Variants in INPP5A observed in about 807,000 individuals in gnomAD.
INPP5A encodes inositol polyphosphate-5-phosphatase A, also known as 43 kDa inositol polyphosphate 5-phophatase.
In INPP5A, 14 loss-of-function variants were observed where a neutral mutation model predicts 65.2. That is an observed-to-expected ratio of 0.21 (90% CI 0.14 to 0.34). The LOEUF (loss-of-function observed/expected upper bound fraction) is 0.34, where lower values mean the gene tolerates loss of function less well. Ranked by LOEUF, INPP5A falls within the 10% of genes least tolerant of loss-of-function variation. INPP5A has a pLI of 1.00. For missense variants in INPP5A, 431 were observed against 545.6 expected, an observed-to-expected ratio of 0.79 and a Z score of 2.09; for synonymous variants, 207 against 208.3, an observed-to-expected ratio of 0.99 and a Z score of 0.05.
At chr10:132,670,526 C>A (rs2072875935) in intron 4 of INPP5A, among the ~76,000 whole-genome samples, 1 of 149,258 alleles carries the variant, frequency 6.7e-6, no homozygotes, top group Admixed American at 6.7e-5. Context: ...CAGCACAGCC[C>A]TGGCCCAGAA....
intron 12 of INPP5A, among the ~76,000 whole-genome samples, chr10:132,776,918 G>T (rs1256729810): frequency 6.6e-6 from 1 of 152,192 alleles, no homozygotes; most frequent in Non-Finnish European, 1.5e-5. Context: ...GGGGCCAATG[G>T]CTCAGAGACA....
chr10:132,722,634 C>T (rs981259051), intron 8 of INPP5A, among the ~76,000 whole-genome samples: 3 of 152,166 alleles, frequency 2.0e-5, no homozygotes, highest in South Asian at 2.1e-4. Flanking sequence ...GTCGTGAGGT[C>T]GCAGTTGTCC....
chr10:132,677,193 C>G (rs1299754093), intron 4 of INPP5A, among the ~76,000 whole-genome samples: 3 of 152,224 alleles, frequency 2.0e-5, no homozygotes, highest in Admixed American at 6.5e-5. Context: ...TCAGCCTCTG[C>G]AGGTCCATGG....
chr10:132,708,158 AG>A (rs1845568810), intron 6 of INPP5A, among the ~76,000 whole-genome samples, 154 bp from the exon 7 acceptor site: 1 of 152,170 alleles, frequency 6.6e-6, no homozygotes, highest in African/African-American at 2.4e-5. Flanking sequence ...ATAGGTGCAC[AG>A]CTCGGTTCTC....
At position 132,777,789 on chromosome 10, in the gene INPP5A, G is replaced by C. The variant is rs1028680134; in HGVS notation, c.1089+7G>C. The stretch of plus-strand genomic sequence containing the variant: ...CAAGGAGCTGGTGCTGCGGGTGAGT[G>C]TGTGCTGCCCCAGCCCTGGGCACAG... On this transcript the variant is annotated splice_region_variant and intron_variant, in intron 13 of 15. Transcript: ENST00000368594. The C allele has an allele frequency of 5.0e-6, 8 of 1,612,406 alleles. No homozygotes were observed. In the African/African-American group the frequency reaches 8.0e-5, roughly 16 times the overall value.
intron 14 of INPP5A, 142 bp downstream of exon 14, chr10:132,781,059 T>C: frequency 1.5e-6 from 1 of 664,792 alleles, no homozygotes; most frequent in South Asian, 1.7e-5. Context: ...TCTCCTGTTC[T>C]CCTGTCTTCT....
In INPP5A at chr10:132,550,434, T is replaced by C. The variant is rs2071035368; in HGVS notation, c.75+12263T>C. ...GAGGTTCTGCATAGCTAGTGCCACC[T>C]GTGACACTGCTGTCACTCCAAGGTG... On this transcript the variant is annotated intron_variant, in intron 1 of 15. Transcript: ENST00000368594. The surrounding 1 kb of genome is among the most constrained non-coding windows in gnomAD (Gnocchi z 4.2). 6.6e-6 allele frequency among the ~76,000 whole-genome samples: 1 copy of C among 152,212 alleles called. No homozygotes were observed. The highest frequency in any genetic ancestry group is 1.5e-5 in the Non-Finnish European group (1 of 68,022).
rs747947118 is a variant in INPP5A, at chr10:132,726,899, C to T, written c.726C>T (p.Val242=). 6 of 1,606,894 alleles carry T rather than the reference C, an allele frequency of 3.7e-6. No individual in the cohort carries two copies. Among genetic ancestry groups the T allele is most frequent in the East Asian group, 2.2e-5 (1 of 44,640 alleles). ...DFNFRLDSKS[V]VETLCTKATM... ...ACTTCCGGCTGGATTCCAAGTCCGTCGTGGAGGTAGGCGCTGGCTTCCCTC... is the reference window on the plus strand; with the variant it reads ...ACTTCCGGCTGGATTCCAAGTCCGTTGTGGAGGTAGGCGCTGGCTTCCCTC... The change falls in exon 9 of 16, where the codon GTC becomes GTT. Residue 242 remains valine (V), a synonymous_variant. Transcript: ENST00000368594.
chr10:132,741,268 G>A lies in INPP5A; in HGVS notation c.733-8249G>A, dbSNP rs1390431846. Among the ~76,000 whole-genome samples the A allele has an allele frequency of 6.6e-6, 1 of 152,114 alleles. No homozygotes were observed. Among genetic ancestry groups the A allele is most frequent in the Non-Finnish European group, 1.5e-5 (1 of 68,022 alleles). On this transcript the variant is annotated intron_variant, in intron 9 of 15. Coordinates refer to ENST00000368594, the MANE Select transcript of INPP5A (RefSeq NM_005539.5). This position sits in a 1 kb window ranked among gnomAD's most constrained non-coding sequence, Gnocchi z 4.4. ...TAAAAATAGAGATAAATAAAAAAAG[G>A]GACACCGCCTGTCTTGGGTTGACAG...
chr10:132,559,926 G>T (rs1298134019), intron 1 of INPP5A, among the ~76,000 whole-genome samples: 2 of 152,258 alleles, frequency 1.3e-5, no homozygotes, highest in African/African-American at 2.4e-5. Context: ...GCAAGTTGCT[G>T]TGTGAACCTG....
chr10:132,545,636 C>T lies in INPP5A; in HGVS notation c.75+7465C>T, dbSNP rs768398491. Among the ~76,000 whole-genome samples the T allele has an allele frequency of 2.0e-5, 3 of 152,236 alleles. No individual in the cohort carries two copies. Among genetic ancestry groups the T allele is most frequent in the African/African-American group, 2.4e-5 (1 of 41,464 alleles). ...GCGGAACAGGCAGGCTGTTCCCATG[C>T]GGACCTGAAAGTGCTGTCAAGTTCC... On this transcript the variant is annotated intron_variant, in intron 1 of 15. Transcript: ENST00000368594. The surrounding 1 kb of genome is among the most constrained non-coding windows in gnomAD (Gnocchi z 4.6).
At chr10:132,713,062 G>A (rs565524676) in intron 8 of INPP5A, among the ~76,000 whole-genome samples, 1 of 151,898 alleles carries the variant, frequency 6.6e-6, no homozygotes, top group Non-Finnish European at 1.5e-5. Flanking sequence ...GTGCATATGT[G>A]GGGAGAGCAT....
chr10:132,725,880 T>A (rs1488969220), intron 8 of INPP5A, among the ~76,000 whole-genome samples: 2 of 152,318 alleles, frequency 1.3e-5, no homozygotes, highest in East Asian at 3.9e-4. Context: ...GTATTTCCTT[T>A]TTTTGTCTAC....
chr10:132,661,251 A>G (rs1216729464), intron 4 of INPP5A, among the ~76,000 whole-genome samples: 1 of 152,230 alleles, frequency 6.6e-6, no homozygotes, highest in Non-Finnish European at 1.5e-5. Flanking sequence ...GATGAGGACA[A>G]TACCTCCTTC....
Position 132,678,623 on chromosome 10 carries a change from G to A in INPP5A, c.307-11769G>A, listed in dbSNP as rs543192114. On this transcript the variant is annotated intron_variant, in intron 4 of 15. Coordinates refer to ENST00000368594, the MANE Select transcript of INPP5A (RefSeq NM_005539.5). The surrounding 1 kb of genome is among the most constrained non-coding windows in gnomAD (Gnocchi z 4.1). ...GTGCCTCTCTCATTGCCCAGGAGCC[G>A]TGGAATTCCTGCCTGCCGTGACCTG... Among the ~76,000 whole-genome samples, 7 of 152,270 alleles carry A rather than the reference G, an allele frequency of 4.6e-5. No individual in the cohort carries two copies. Among genetic ancestry groups the A allele is most frequent in the African/African-American group, 7.2e-5 (3 of 41,558 alleles).
chr10:132,573,199 AG>A (rs2071371108), intron 1 of INPP5A, among the ~76,000 whole-genome samples: 1 of 120,708 alleles, frequency 8.3e-6, no homozygotes, highest in South Asian at 2.8e-4. Flanking sequence ...GTGCCGTGTG[AG>A]GTTTTATTGA....
At chr10:132,731,678 G>T (rs1846089168) in intron 9 of INPP5A, among the ~76,000 whole-genome samples, 1 of 152,228 alleles carries the variant, frequency 6.6e-6, no homozygotes, top group South Asian at 2.1e-4. Context: ...GGGCTCTCCA[G>T]CCCCGCGATC....
At chr10:132,739,130 C>A (rs1305101314) in intron 9 of INPP5A, among the ~76,000 whole-genome samples, 3 of 152,236 alleles carry the variant, frequency 2.0e-5, no homozygotes, top group Non-Finnish European at 4.4e-5. Flanking sequence ...GCTCTCAGCT[C>A]CTCAGATTCC....
intron 9 of INPP5A, among the ~76,000 whole-genome samples, chr10:132,730,808 C>G (rs1185274670): frequency 6.6e-6 from 1 of 152,214 alleles, no homozygotes; most frequent in Non-Finnish European, 1.5e-5. Context: ...CCCCTCTGCC[C>G]CTGCAGCGGC....
Sources: gnomAD v4.1 joint callset for allele counts (sites outside exome capture counted in the v4.1 genomes callset) on GRCh38, gnomAD v4.1.1 for gene constraint, Gnocchi (gnomAD v3.1) non-coding constraint, MANE v1.5 for transcripts, NCBI Gene and HGNC (gene_info 2026-07-23, HGNC 2026-07-21) for gene names.